The following NVL variants were observed in gnomAD, a reference collection of about 807,000 sequenced individuals.
NVL encodes the protein nuclear VCP like, also known as nuclear valosin-containing protein-like.
In NVL, 84 loss-of-function variants were observed where a neutral mutation model predicts 110.2. The observed-to-expected ratio is 0.76, with a 90% CI of 0.64 to 0.91. The LOEUF is 0.91. NVL is among the 40% of genes least tolerant of loss of function. The pLI is 0.00. For missense variants in NVL, 882 were observed against 1,035.9 expected, an observed-to-expected ratio of 0.85 and a Z score of 2.04; for synonymous variants, 354 against 361.1, an observed-to-expected ratio of 0.98 and a Z score of 0.22.
intron 18 of NVL, among the ~76,000 whole-genome samples, chr1:224,250,766 GT>G (rs781652210): frequency 1.3e-5 from 2 of 152,008 alleles, no homozygotes; most frequent in East Asian, 1.9e-4. Flanking sequence ...CTTATGCTTT[GT>G]GTCCTCATAG....
intron 22 of NVL, among the ~76,000 whole-genome samples, chr1:224,228,750 TAACATGGTGA>T (rs1448295736): frequency 2.0e-5 from 3 of 147,224 alleles, no homozygotes; most frequent in Admixed American, 6.8e-5. Context: ...CCATCCTGGC[TAACATGGTGA>T]AACCCTGTCT....
chr1:224,276,021 T>C (rs1414743994), intron 16 of NVL, among the ~76,000 whole-genome samples: 3 of 152,160 alleles, frequency 2.0e-5, no homozygotes, highest in Non-Finnish European at 4.4e-5. Flanking sequence ...TATAAAACAT[T>C]AAGATAAGTC....
At chr1:224,300,731 C>G in intron 9 of NVL, 68 bp from the exon 10 acceptor site, 1 of 1,223,554 alleles carries the variant, frequency 8.2e-7, no homozygotes, top group South Asian at 1.4e-5. Flanking sequence ...CTTATCCAGT[C>G]CCCTCAAATT....
At chr1:224,318,756 G>A (rs1308051942) in intron 2 of NVL, among the ~76,000 whole-genome samples, 1 of 151,918 alleles carries the variant, frequency 6.6e-6, no homozygotes, top group East Asian at 1.9e-4. Flanking sequence ...GGCTGAGGTG[G>A]GAGGATCATG....
intron 4 of NVL, among the ~76,000 whole-genome samples, chr1:224,315,048 ACT>A (rs945036631): frequency 7.0e-5 from 7 of 99,374 alleles, no homozygotes; most frequent in African/African-American, 1.6e-4. Context: ...TTTACAAATA[ACT>A]CTGTTTCTTT....
At chr1:224,307,272 G>A (rs1414775863) in intron 6 of NVL, among the ~76,000 whole-genome samples, 2 of 152,118 alleles carry the variant, frequency 1.3e-5, no homozygotes, top group Non-Finnish European at 2.9e-5. Flanking sequence ...TTACAGCTGA[G>A]GAAATAGATT....
chr1:224,295,197 CTT>C (rs796791561), intron 11 of NVL, among the ~76,000 whole-genome samples: 5 of 144,456 alleles, frequency 3.5e-5, no homozygotes, highest in Non-Finnish European at 3.1e-5. Flanking sequence ...ACAGTGTGTT[CTT>C]TTTTTTTTTT....
intron 18 of NVL, among the ~76,000 whole-genome samples, chr1:224,258,979 T>TAAAA (rs34767555): frequency 4.0e-4 from 24 of 60,146 alleles, no homozygotes; most frequent in Admixed American, 7.4e-4. Flanking sequence ...GTCTCTACAT[T>TAAAA]AAAAAAAAAA....
intron 17 of NVL, 146 bp downstream of exon 17, chr1:224,275,193 T>C: frequency 2.2e-6 from 2 of 916,576 alleles, no homozygotes; most frequent in Middle Eastern, 3.2e-4. Context: ...CTGCTATCTC[T>C]AGGATTTGAT....
chr1:224,247,857 T>C (rs779872986), intron 19 of NVL, among the ~76,000 whole-genome samples: 1 of 152,130 alleles, frequency 6.6e-6, no homozygotes. Context: ...GTGGAATATT[T>C]AGCAGCATGA....
At chr1:224,290,717 G>A (rs1414104511) in intron 12 of NVL, among the ~76,000 whole-genome samples, 2 of 151,490 alleles carry the variant, frequency 1.3e-5, no homozygotes, top group African/African-American at 4.9e-5. Flanking sequence ...AAGGAGAATG[G>A]CATGAACCTG....
intron 18 of NVL, among the ~76,000 whole-genome samples, chr1:224,260,973 TCAAGC>T (rs554105615): frequency 4.6e-4 from 70 of 152,162 alleles, no homozygotes; most frequent in African/African-American, 1.5e-3. Flanking sequence ...CCTCCTGAGT[TCAAGC>T]GATTCTTCTG....
intron 18 of NVL, among the ~76,000 whole-genome samples, chr1:224,255,222 C>T (rs1663076055): frequency 8.1e-6 from 1 of 124,056 alleles, no homozygotes; most frequent in Admixed American, 9.5e-5. Flanking sequence ...CAGGGTCTCG[C>T]TCTGCCGTCC....
At chr1:224,286,870 A>T (rs1666920230) in intron 14 of NVL, among the ~76,000 whole-genome samples, 1 of 152,204 alleles carries the variant, frequency 6.6e-6, no homozygotes, top group Non-Finnish European at 1.5e-5. Flanking sequence ...GAACCATGGA[A>T]TGATGAGTAG....
intron 5 of NVL, among the ~76,000 whole-genome samples, chr1:224,309,148 G>C (rs1039953871): frequency 1.3e-5 from 2 of 151,898 alleles, no homozygotes; most frequent in African/African-American, 4.8e-5. Flanking sequence ...AGTAAGTATG[G>C]TTGCTTCGAA....
At chr1:224,299,082 G>A (rs556602103) in intron 10 of NVL, among the ~76,000 whole-genome samples, 1 of 152,276 alleles carries the variant, frequency 6.6e-6, no homozygotes, top group African/African-American at 2.4e-5. Flanking sequence ...AAGGCTGTCA[G>A]CGTCGCTTAA....
At chr1:224,292,329 T>G (rs1000566743) in intron 12 of NVL, among the ~76,000 whole-genome samples, 4 of 152,192 alleles carry the variant, frequency 2.6e-5, no homozygotes, top group Non-Finnish European at 5.9e-5. Flanking sequence ...TAGGTTATGT[T>G]AATTCAATAC....
rs763118011 is a variant in NVL, at chr1:224,308,289, T to C, written c.343-26A>G. On this transcript the variant is annotated intron_variant, in intron 5 of 22. Transcript: ENST00000281701. ...CTGGCAGAAAGATAAAACAAAATTG[T>C]AGCATAAATTACTCAACAGGTACTC... is the stretch of plus-strand genomic sequence containing the variant. 2.5e-6 allele frequency: 4 copies of C among 1,573,794 alleles called. No homozygotes were observed. The Admixed American group carries it at 5.8e-5, about 23-fold the overall frequency.
chr1:224,287,754 T>C, intron 14 of NVL, 21 bp downstream of exon 14: 1 of 1,578,624 alleles, frequency 6.3e-7, no homozygotes, highest in Non-Finnish European at 8.7e-7. Context: ...GCCAATAATA[T>C]TTGGCAGCTG....
Sources: allele counts gnomAD v4.1 joint callset (sites outside exome capture counted in the v4.1 genomes callset), GRCh38; gene constraint gnomAD v4.1.1; transcripts MANE v1.5; gene names NCBI Gene and HGNC (gene_info 2026-07-23, HGNC 2026-07-21).